Variants in ANTXR2 observed in about 807,000 individuals in gnomAD.
ANTXR2 encodes the protein ANTXR cell adhesion molecule 2, also known as anthrax toxin receptor 2.
ANTXR2 carries 44 observed loss-of-function variants against 73.7 expected under a neutral mutation model. The observed-to-expected ratio is 0.60, with a 90% CI of 0.47 to 0.77. The LOEUF is 0.77. Among genes scored for constraint, ANTXR2 ranks in the 30% least tolerant of loss-of-function variants. The probability of loss-of-function intolerance (pLI) is 0.00; values close to 1 mark genes in which losing one functional copy is unlikely to be tolerated. For synonymous variants in ANTXR2, 217 were observed against 205.9 expected (o/e 1.05, Z -0.46); for missense variants, 604 against 592.5 (o/e 1.02, Z -0.20).
At chr4:79,932,594 C>T (rs1430897681) in intron 16 of ANTXR2, among the ~76,000 whole-genome samples, 1 of 151,610 alleles carries the variant, frequency 6.6e-6, no homozygotes, top group Non-Finnish European at 1.5e-5. Flanking sequence ...GAGTTCCAGA[C>T]CAGCCTCGTC....
intron 16 of ANTXR2, among the ~76,000 whole-genome samples, chr4:79,930,698 G>A (rs1003706079): frequency 2.6e-5 from 4 of 152,124 alleles, no homozygotes; most frequent in Admixed American, 6.6e-5. Context: ...CTAACGTGTA[G>A]TACCCATCTT....
At position 79,959,924 on chromosome 4, in the gene ANTXR2, T is replaced by G. The variant is rs183163864; in HGVS notation, c.1428+17697A>C. Reference sequence around the variant, plus strand: ...GGAAGCCTCAATCAATGTTAGGAAGTCAGACAAGGGAGAGAAATGAAAGAA... The same window carrying G: ...GGAAGCCTCAATCAATGTTAGGAAGGCAGACAAGGGAGAGAAATGAAAGAA... On this transcript the variant is annotated intron_variant, in intron 16 of 16. Coordinates refer to ENST00000403729, the MANE Select transcript of ANTXR2 (RefSeq NM_058172.6). 1.1e-3 allele frequency among the ~76,000 whole-genome samples: 169 copies of G among 152,262 alleles called. 2 individuals are homozygous for G. The highest frequency in any genetic ancestry group is 3.9e-3 in the African/African-American group (162 of 41,546).
intron 3 of ANTXR2, among the ~76,000 whole-genome samples, chr4:80,069,040 A>G (rs1734655407): frequency 6.6e-6 from 1 of 152,224 alleles, no homozygotes; most frequent in Non-Finnish European, 1.5e-5. Flanking sequence ...CAGGATGTCT[A>G]CTGAATCTAG....
At chr4:79,946,555 C>T (rs1399808304) in intron 16 of ANTXR2, among the ~76,000 whole-genome samples, 2 of 151,966 alleles carry the variant, frequency 1.3e-5, no homozygotes, top group Non-Finnish European at 2.9e-5. Flanking sequence ...GGGCTGTAAT[C>T]TTGGGTGGAG....
intron 16 of ANTXR2, among the ~76,000 whole-genome samples, chr4:79,929,737 C>CA (rs5859710): frequency 0.8 from 121,758 of 151,564 alleles, 49,224 homozygotes; most frequent in East Asian, 0.99. Flanking sequence ...TGCAAATATA[C>CA]AAAAAAAAGT....
At chr4:79,983,159 G>GA (rs910027605) in intron 14 of ANTXR2, among the ~76,000 whole-genome samples, 4 of 152,024 alleles carry the variant, frequency 2.6e-5, no homozygotes, top group Admixed American at 6.5e-5. Context: ...ATGTGTTCAT[G>GA]AAAAAATCCC....
intron 12 of ANTXR2, among the ~76,000 whole-genome samples, chr4:80,002,642 A>T (rs1348044912): frequency 1.3e-5 from 2 of 151,918 alleles, no homozygotes; most frequent in Non-Finnish European, 2.9e-5. Context: ...AATGGGAGAA[A>T]ATTTTTGCAA....
intron 7 of ANTXR2, among the ~76,000 whole-genome samples, chr4:80,047,928 T>C (rs1375206099): frequency 6.6e-6 from 1 of 151,672 alleles, no homozygotes; most frequent in Non-Finnish European, 1.5e-5. Flanking sequence ...GTTCTTGTCA[T>C]GTGAAATCAA....
chr4:80,039,808 A>G (rs2110091165), intron 7 of ANTXR2, among the ~76,000 whole-genome samples: 1 of 152,088 alleles, frequency 6.6e-6, no homozygotes, highest in Non-Finnish European at 1.5e-5. Context: ...TTCTTCCACC[A>G]AAAAGCAATC....
intron 16 of ANTXR2, among the ~76,000 whole-genome samples, chr4:79,911,744 G>T (rs1727149861): frequency 6.6e-6 from 1 of 151,758 alleles, no homozygotes; most frequent in Non-Finnish European, 1.5e-5. Flanking sequence ...TTATTATGAA[G>T]AAAATATTTT....
chr4:79,983,737 AT>A, intron 14 of ANTXR2, 140 bp downstream of exon 14: 1 of 704,504 alleles, frequency 1.4e-6, no homozygotes, highest in African/African-American at 1.8e-5. Flanking sequence ...AGAAAAAAAA[AT>A]GTATCCAGAA....
chr4:79,985,266 C>A (rs1442025781), intron 12 of ANTXR2, among the ~76,000 whole-genome samples: 1 of 151,348 alleles, frequency 6.6e-6, no homozygotes, highest in African/African-American at 2.4e-5. Flanking sequence ...AGGAGAATGG[C>A]GTGAACCCGG....
At chr4:79,931,449 T>TTCTCTC (rs142694925) in intron 16 of ANTXR2, among the ~76,000 whole-genome samples, 47 of 134,174 alleles carry the variant, frequency 3.5e-4, no homozygotes, top group Admixed American at 7.1e-4. Context: ...TCCTCGCTTC[T>TTCTCTC]TCTCTCTCTC....
Position 80,008,599 on chromosome 4 carries a change from G to A in ANTXR2, c.963C>T (p.Ala321=). The stretch of plus-strand genomic sequence containing the variant: ...GCAGTAACACCAAAATAACAATGAT[G>A]GCTGCGATCCCGTTAGACTAAAGTA... ...TATECSNGIA[A]IIVILVLLLL... The change falls in exon 12 of 17, where the codon GCC becomes GCT. Residue 321 remains alanine (A), a synonymous_variant. Coordinates refer to ENST00000403729, the MANE Select transcript of ANTXR2 (RefSeq NM_058172.6). The A allele has an allele frequency of 6.2e-7, 1 of 1,603,172 alleles. No individual in the cohort carries two copies. Among genetic ancestry groups the A allele is most frequent in the South Asian group, 1.1e-5 (1 of 88,300 alleles).
intron 16 of ANTXR2, among the ~76,000 whole-genome samples, chr4:79,912,339 G>A (rs1173669690): frequency 6.6e-6 from 1 of 151,868 alleles, no homozygotes; most frequent in East Asian, 1.9e-4. Context: ...ATTACTCTGA[G>A]TATGTTTACC....
At chr4:80,022,854 T>C (rs1446776900) in intron 10 of ANTXR2, among the ~76,000 whole-genome samples, 1 of 152,166 alleles carries the variant, frequency 6.6e-6, no homozygotes, top group African/African-American at 2.4e-5. Flanking sequence ...CCCTCATCAC[T>C]CCATTTTTAA....
At chr4:80,031,719 G>A (rs777700389) in intron 9 of ANTXR2, 27 bp from the exon 10 acceptor site, 1 of 1,383,412 alleles carries the variant, frequency 7.2e-7, no homozygotes, top group Admixed American at 3.1e-5. Context: ...CACTGAATTA[G>A]TAAAGGGTTT....
rs750200793 is a variant in ANTXR2 at position 80,018,980 on chromosome 4, AAAAAG to A, written c.867-9_867-5del. ...GCTCACTGAAACATCAAGAGTTCTG[AAAAAG>A]AAAAGAAACAATAATTTTATATACA... On this transcript the variant is annotated splice_region_variant and splice_polypyrimidine_tract_variant and intron_variant, in intron 10 of 16. Coordinates refer to ENST00000403729, the MANE Select transcript of ANTXR2 (RefSeq NM_058172.6). 1.6e-5 allele frequency: 24 copies of A among 1,470,050 alleles called. No homozygotes were observed. Among genetic ancestry groups the A allele is most frequent in the Admixed American group, 8.8e-5 (3 of 33,912 alleles). 91.1% of individuals were successfully genotyped at this position (1,470,050 alleles called of 1,614,324 possible).
rs560847271 is a variant in ANTXR2 at position 79,998,659 on chromosome 4, T to C, written c.1041+9862A>G. On this transcript the variant is annotated intron_variant, in intron 12 of 16. Coordinates refer to ENST00000403729, the MANE Select transcript of ANTXR2 (RefSeq NM_058172.6). ...TTTGTTTTAATGCCTCCTGCCTTTT[T>C]AACCTAGGGAAAAAGACAGGATGCT... Among the ~76,000 whole-genome samples the C allele has an allele frequency of 6.6e-5, 10 of 152,154 alleles. No individual in the cohort carries two copies. In the South Asian group the frequency reaches 1.9e-3, roughly 28 times the overall value.
Sources: gnomAD v4.1 joint callset for allele counts (sites outside exome capture counted in the v4.1 genomes callset) on GRCh38, gnomAD v4.1.1 for gene constraint, MANE v1.5 for transcripts, NCBI Gene and HGNC (gene_info 2026-07-23, HGNC 2026-07-21) for gene names.